The following VPS13A variants were observed in gnomAD, a reference collection of about 807,000 sequenced individuals.
VPS13A encodes vacuolar protein sorting 13 homolog A, also known as intermembrane lipid transfer protein VPS13A.
VPS13A carries 264 observed loss-of-function variants against 390.9 expected under a neutral mutation model. The observed-to-expected ratio is 0.68, with a 90% CI of 0.61 to 0.75. The LOEUF (loss-of-function observed/expected upper bound fraction) is 0.75. Ranked by LOEUF, VPS13A falls within the 30% of genes least tolerant of loss-of-function variation. The pLI, the probability that VPS13A is intolerant of heterozygous loss-of-function variation, is 0.00. For missense variants in VPS13A, 3,409 were observed against 3,733.9 expected (o/e 0.91, Z 2.27); for synonymous variants, 1,231 against 1,227.1 (o/e 1.00, Z -0.07).
At chr9:77,358,264 A>G (rs1831933387) in intron 56 of VPS13A, 93 bp from the exon 57 acceptor site, 1 of 1,182,968 alleles carries the variant, frequency 8.5e-7, no homozygotes. Flanking sequence ...TCACCGCTAG[A>G]CTTTTTGATT....
intron 19 of VPS13A, among the ~76,000 whole-genome samples, chr9:77,239,790 T>C (rs913525903): frequency 7.2e-5 from 11 of 152,012 alleles, no homozygotes; most frequent in Non-Finnish European, 1.2e-4. Context: ...TTTTCTTGCC[T>C]TCCTTTGGAT....
chr9:77,336,889 C>T (rs369443871), intron 46 of VPS13A, among the ~76,000 whole-genome samples: 3 of 149,810 alleles, frequency 2.0e-5, no homozygotes, highest in South Asian at 2.1e-4. Flanking sequence ...CTCTGCCTCC[C>T]GGGTTCTCTC....
At chr9:77,381,499 A>G (rs763813991) in intron 67 of VPS13A, among the ~76,000 whole-genome samples, 6 of 152,144 alleles carry the variant, frequency 3.9e-5, no homozygotes, top group African/African-American at 7.2e-5. Context: ...TTCATTGCCT[A>G]TTTAAGATTT....
rs1333089584 is a variant in VPS13A at position 77,407,595 on chromosome 9, A to G, written c.9462A>G (p.Pro3154=). The change falls in exon 71 of 72, where the codon CCA becomes CCG. Residue 3154 remains proline (P), a synonymous_variant. Transcript: ENST00000360280. ...GAAAAATAATTAACTTCAAGACCCC[A>G]GAGGATGCCAGGGTAAATATAATAA... ...EFGKIINFKT[P]EDARWILTKL... 2 of 1,611,396 alleles carry G rather than the reference A, an allele frequency of 1.2e-6. No homozygotes were observed. The highest frequency in any genetic ancestry group is 8.5e-7 in the Non-Finnish European group (1 of 1,177,886).
chr9:77,340,923 A>G (rs903281972), intron 50 of VPS13A, among the ~76,000 whole-genome samples: 6 of 152,200 alleles, frequency 3.9e-5, no homozygotes, highest in African/African-American at 1.2e-4. Context: ...CTCTTCTTCA[A>G]GTTATTTGAG....
intron 50 of VPS13A, 85 bp from the exon 51 acceptor site, chr9:77,344,068 C>A (rs1353030574): frequency 4.7e-6 from 6 of 1,274,920 alleles, no homozygotes; most frequent in Middle Eastern, 2.7e-4. Flanking sequence ...TAGTTTAAGT[C>A]TATTCTGATG....
At chr9:77,297,571 C>G (rs1262507267) in intron 33 of VPS13A, among the ~76,000 whole-genome samples, 1 of 150,728 alleles carries the variant, frequency 6.6e-6, no homozygotes, top group African/African-American at 2.4e-5. Context: ...TTTTGTCTGT[C>G]TTTTTTTTGG....
chr9:77,298,569 C>G (rs559322935), intron 33 of VPS13A, among the ~76,000 whole-genome samples: 1 of 151,852 alleles, frequency 6.6e-6, no homozygotes, highest in Non-Finnish European at 1.5e-5. Context: ...TATTTGGAAT[C>G]CAACAGTCAG....
intron 43 of VPS13A, 37 bp downstream of exon 43, chr9:77,321,364 A>G: frequency 6.3e-7 from 1 of 1,585,574 alleles, no homozygotes; most frequent in Middle Eastern, 1.9e-4. Flanking sequence ...ATATTGAGAT[A>G]CTTGTCTGAT....
intron 17 of VPS13A, among the ~76,000 whole-genome samples, chr9:77,232,261 C>T (rs1823873499): frequency 6.6e-6 from 1 of 152,058 alleles, no homozygotes; most frequent in African/African-American, 2.4e-5. Flanking sequence ...CTTACAAGAC[C>T]TTATGAATTT....
chr9:77,270,379 G>A (rs1048580535), intron 23 of VPS13A, among the ~76,000 whole-genome samples: 3 of 152,192 alleles, frequency 2.0e-5, no homozygotes, highest in South Asian at 2.1e-4. Flanking sequence ...GTTAAATTAT[G>A]TTCTAGTGAT....
intron 50 of VPS13A, among the ~76,000 whole-genome samples, chr9:77,341,029 T>C (rs535160683): frequency 6.6e-5 from 10 of 152,314 alleles, no homozygotes; most frequent in Non-Finnish European, 4.4e-5. Flanking sequence ...TGATGGAATA[T>C]TTTATTTTTG....
chr9:77,234,316 A>C (rs1194164183), intron 17 of VPS13A, among the ~76,000 whole-genome samples: 4 of 152,306 alleles, frequency 2.6e-5, no homozygotes, highest in East Asian at 1.9e-4. Flanking sequence ...AGCTGGAATT[A>C]AAGGTGTGAG....
At chr9:77,310,208 T>C (rs1364065063) in intron 35 of VPS13A, among the ~76,000 whole-genome samples, 1 of 152,058 alleles carries the variant, frequency 6.6e-6, no homozygotes, top group Non-Finnish European at 1.5e-5. Context: ...CAGAAAAATA[T>C]GGGGTTAAAA....
chr9:77,280,588 T>A (rs1169870488), intron 27 of VPS13A, among the ~76,000 whole-genome samples: 2 of 152,142 alleles, frequency 1.3e-5, no homozygotes, highest in Non-Finnish European at 2.9e-5. Flanking sequence ...TTCCACTGTT[T>A]TGTGAAGTTA....
At chr9:77,207,203 T>TTAG (rs1825683801) in intron 5 of VPS13A, among the ~76,000 whole-genome samples, 2 of 81,066 alleles carry the variant, frequency 2.5e-5, no homozygotes, top group Non-Finnish European at 5.5e-5. Context: ...TGTCTTGATT[T>TTAG]ATTTAGATAT....
intron 14 of VPS13A, 115 bp downstream of exon 14, chr9:77,226,103 T>C: frequency 1.1e-6 from 1 of 935,872 alleles, no homozygotes; most frequent in Non-Finnish European, 1.6e-6. Flanking sequence ...TGGTTCAATT[T>C]GCTTTTTAGT....
Position 77,228,136 on chromosome 9 carries a change from G to A in VPS13A, c.1467G>A (p.Lys489=). Residue 489 remains lysine, a synonymous_variant, in exon 17 of 72, where the codon AAG becomes AAA. Transcript: ENST00000360280. ...PTLLKTFEAL[K]FFVHLKSMSI... Reference sequence around the variant, plus strand: ...ATATACCTTAGTTTGAAGCCTTGAAGTTTTTTGTCCACTTGAAAAGTATGT... The same window carrying A: ...ATATACCTTAGTTTGAAGCCTTGAAATTTTTTGTCCACTTGAAAAGTATGT... 3.7e-6 allele frequency: 6 copies of A among 1,600,572 alleles called. No individual in the cohort carries two copies. Among genetic ancestry groups the A allele is most frequent in the Non-Finnish European group, 5.1e-6 (6 of 1,172,956 alleles).
chr9:77,288,142 T>C (rs1274322553), intron 31 of VPS13A, among the ~76,000 whole-genome samples: 1 of 152,196 alleles, frequency 6.6e-6, no homozygotes, highest in African/African-American at 2.4e-5. Flanking sequence ...TTATGTAGTC[T>C]TTCACGTTTT....
Sources: gnomAD v4.1 joint callset for allele counts (sites outside exome capture counted in the v4.1 genomes callset) on GRCh38, gnomAD v4.1.1 for gene constraint, MANE v1.5 for transcripts, NCBI Gene and HGNC (gene_info 2026-07-23, HGNC 2026-07-21) for gene names.